Variants in ZAN observed in about 807,000 individuals in gnomAD.
The protein encoded by ZAN is zonadhesin, also known as zonadhesin (gene/pseudogene).
Under a neutral mutation model 286.2 loss-of-function variants are expected in ZAN, and 260 were observed. The ratio of observed to expected loss-of-function variants is 0.91; its 90% CI spans 0.82 to 1.01. The LOEUF (loss-of-function observed/expected upper bound fraction) is 1.01. Among genes scored for constraint, ZAN ranks in the 50% least tolerant of loss-of-function variants. The probability of loss-of-function intolerance (pLI) is 0.00; values close to 1 mark genes in which losing one functional copy is unlikely to be tolerated. For missense variants in ZAN, 3,410 were observed against 3,639.2 expected, an observed-to-expected ratio of 0.94 and a Z score of 1.62; for synonymous variants, 1,368 against 1,417.5, an observed-to-expected ratio of 0.97 and a Z score of 0.79.
chr7:100,758,238 C>T lies in ZAN; in HGVS notation c.3346C>T (p.His1116Tyr). The T allele has an allele frequency of 1.9e-6, 3 of 1,613,512 alleles. No individual in the cohort carries two copies. The highest frequency in any genetic ancestry group is 2.5e-6 in the Non-Finnish European group (3 of 1,179,874). The change falls in exon 16 of 48, where the codon CAT (histidine) becomes TAT (tyrosine). Residue 1116 changes from histidine to tyrosine, a missense_variant. Transcript: ENST00000613979. ...AEWFSPNCTE[H>Y]CRCWPGSRVE... ...GTGGTTCAGCCCCAACTGCACAGAA[C>T]ATTGCCGCTGCTGGCCCGGCAGTCG...
chr7:100,767,012 G>A lies in ZAN; in HGVS notation c.4615G>A (p.Ala1539Thr). ...GAACTCCATCTTCTTCTCCACAGGTGCCGCCACCTGCACAGCCTCGGGTGA... is the reference window on the plus strand; with the variant it reads ...GAACTCCATCTTCTTCTCCACAGGTACCGCCACCTGCACAGCCTCGGGTGA... ...DGIYGCHAQG[A>T]ATCTASGDPH... Residue 1539 changes from alanine to threonine, a missense_variant and splice_region_variant, in exon 25 of 48, where the codon GCC (alanine) becomes ACC (threonine). By Grantham distance (58) the Ala-to-Thr change is moderately conservative. Coordinates refer to ENST00000613979, the MANE Select transcript of ZAN (RefSeq NM_003386.3). The A allele has an allele frequency of 6.2e-7, 1 of 1,613,712 alleles. No homozygotes were observed. Among genetic ancestry groups the A allele is most frequent in the South Asian group, 1.1e-5 (1 of 91,050 alleles).
Position 100,773,484 on chromosome 7 carries a change from C to T in ZAN, c.5625C>T (p.Ser1875=). 6.2e-7 allele frequency: 1 copy of T among 1,613,562 alleles called. No homozygotes were observed. The highest frequency in any genetic ancestry group is 1.7e-4 in the Middle Eastern group (1 of 5,910). ...GTGGCTGCACTGACCCAGCGGGCTCCTACCACCCGGTGAGAGGCCAGCTAG... is the reference window on the plus strand; with the variant it reads ...GTGGCTGCACTGACCCAGCGGGCTCTTACCACCCGGTGAGAGGCCAGCTAG... ...GQCGCTDPAG[S]YHPVGERWYT... The change falls in exon 30 of 48, where the codon TCC becomes TCT. Residue 1875 remains serine, a synonymous_variant. Coordinates refer to ENST00000613979, the MANE Select transcript of ZAN (RefSeq NM_003386.3).
Position 100,750,621 on chromosome 7 carries a change from C to T in ZAN, c.1250-4C>T. 1 of 1,612,808 alleles carries T rather than the reference C, an allele frequency of 6.2e-7. No individual in the cohort carries two copies. The highest frequency in any genetic ancestry group is 1.3e-5 in the African/African-American group (1 of 75,046). On this transcript the variant is annotated splice_region_variant and splice_polypyrimidine_tract_variant and intron_variant, in intron 11 of 47. Transcript: ENST00000613979. ...TACCTTGCCTGTTCCCTTCCTTTGCCTAGGGGGTCACTATATCTACCTTGA... is the reference window on the plus strand; with the variant it reads ...TACCTTGCCTGTTCCCTTCCTTTGCTTAGGGGGTCACTATATCTACCTTGA...
At chr7:100,797,245 C>T (rs954852734) in intron 45 of ZAN, 121 bp from the exon 46 acceptor site, 4 of 894,130 alleles carry the variant, frequency 4.5e-6, no homozygotes, top group Non-Finnish European at 5.3e-6. Flanking sequence ...GCAGACACAC[C>T]TAGAGATTTA....
rs752589929 is a variant in ZAN at position 100,779,635 on chromosome 7, C to T, written c.6507C>T (p.Thr2169=). Reference sequence around the variant, plus strand: ...CCTTCCTGGTGGACTGTGCAAACACCCTCTGTGAGTTCGGAGGTCTCTACC... The same window carrying T: ...CCTTCCTGGTGGACTGTGCAAACACTCTCTGTGAGTTCGGAGGTCTCTACC... ...LTPFLVDCAN[T]LCEFGGLYQA... Residue 2169 remains threonine, a synonymous_variant, in exon 35 of 48, where the codon ACC becomes ACT. Coordinates refer to ENST00000613979, the MANE Select transcript of ZAN (RefSeq NM_003386.3). The T allele has an allele frequency of 9.4e-6, 15 of 1,596,456 alleles. No homozygotes were observed. The Admixed American group carries it at 2.5e-4, about 26-fold the overall frequency.
intron 37 of ZAN, among the ~76,000 whole-genome samples, chr7:100,786,823 G>A (rs1010479356): frequency 6.6e-6 from 1 of 152,118 alleles, no homozygotes; most frequent in Non-Finnish European, 1.5e-5. Context: ...AGGCAGAGGT[G>A]GAAGAATCAC....
chr7:100,736,586 TC>T lies in ZAN; in HGVS notation c.213del (p.Thr72ProfsTer105), dbSNP rs772491665. On this transcript the variant is annotated frameshift_variant, in exon 4 of 48. Coordinates refer to ENST00000613979, the MANE Select transcript of ZAN (RefSeq NM_003386.3). LOFTEE classifies it high-confidence loss of function. Reference protein sequence around the residue: ...EDWVRASGPSPTGSTGAPGGY... With the variant: ...EDWVRASGPSXTGSTGAPGGY... ...ACTGGGTTCGAGCCAGTGGGCCCTC[TC>T]CCACCGGCTCCACCGGGGCCCCCGG... The T allele has an allele frequency of 7.2e-6, 11 of 1,522,474 alleles. 4 individuals carry two copies. In the African/African-American group the frequency reaches 1.5e-4, roughly 21 times the overall value. The allele number at this position is 1,522,474 out of a possible 1,614,324, so 94.3% of individuals were successfully genotyped here.
In ZAN at chr7:100,763,123, C is replaced by T. The variant is rs1157847173; in HGVS notation, c.3987-683C>T. Among the ~76,000 whole-genome samples, 1 of 151,906 alleles carries T rather than the reference C, an allele frequency of 6.6e-6. No homozygotes were observed. Among genetic ancestry groups the T allele is most frequent in the Non-Finnish European group, 1.5e-5 (1 of 67,994 alleles). The stretch of plus-strand genomic sequence containing the variant: ...GAGATTATAGGCACATGCCACCACA[C>T]CTGTCTGATTTTTGTATTTTTAGTA... On this transcript the variant is annotated intron_variant, in intron 20 of 47. Coordinates refer to ENST00000613979, the MANE Select transcript of ZAN (RefSeq NM_003386.3). This position sits in a 1 kb window ranked among gnomAD's most constrained non-coding sequence, Gnocchi z 4.6.
At chr7:100,745,712 C>G (rs1345406066) in intron 7 of ZAN, among the ~76,000 whole-genome samples, 1 of 149,600 alleles carries the variant, frequency 6.7e-6, no homozygotes, top group Non-Finnish European at 1.5e-5. Context: ...ATCGTGAGAC[C>G]GCCCATCTCT....
At chr7:100,794,368 T>A in intron 44 of ZAN, 110 bp downstream of exon 44, 1 of 1,480,572 alleles carries the variant, frequency 6.8e-7, no homozygotes, top group Non-Finnish European at 9.0e-7. Context: ...GATTTCAGGA[T>A]GTCTGTCCCT....
intron 38 of ZAN, among the ~76,000 whole-genome samples, chr7:100,788,412 T>C (rs1228004621): frequency 6.6e-6 from 1 of 151,842 alleles, no homozygotes; most frequent in Non-Finnish European, 1.5e-5. Flanking sequence ...ATGAGCTGGA[T>C]ATGGGGGCGC....
intron 42 of ZAN, among the ~76,000 whole-genome samples, chr7:100,793,441 TTTG>T (rs754417614): frequency 6.6e-6 from 1 of 152,050 alleles, no homozygotes; most frequent in Admixed American, 6.6e-5. Flanking sequence ...TGTTTTTGTT[TTTG>T]TTGTTGTTGT....
rs753598349 is a variant in ZAN, at chr7:100,783,246, C to T, written c.6623-1377C>T. 2.0e-4 allele frequency among the ~76,000 whole-genome samples: 30 copies of T among 151,708 alleles called. No individual in the cohort carries two copies. The South Asian group carries it at 2.9e-3, about 15-fold the overall frequency. The stretch of plus-strand genomic sequence containing the variant: ...TTGTGCCATTGCACTCCAGCCAGGG[C>T]GGAAAGAGCGAAACTCTATCTCAAA... On this transcript the variant is annotated intron_variant, in intron 35 of 47. Transcript: ENST00000613979.
intron 8 of ZAN, 123 bp downstream of exon 8, chr7:100,746,825 C>CCACTT: frequency 1.7e-6 from 2 of 1,197,498 alleles, no homozygotes; most frequent in Non-Finnish European, 2.3e-6. Flanking sequence ...CGAGACTATT[C>CCACTT]CATGAAGTGG....
At chr7:100,749,210 C>G (rs1178195141) in intron 11 of ZAN, among the ~76,000 whole-genome samples, 1 of 151,872 alleles carries the variant, frequency 6.6e-6, no homozygotes, top group African/African-American at 2.4e-5. Flanking sequence ...GGAGTGGTGG[C>G]GTGCACCTGT....
At chr7:100,742,971 G>A (rs1185388838) in intron 7 of ZAN, among the ~76,000 whole-genome samples, 1 of 125,018 alleles carries the variant, frequency 8.0e-6, no homozygotes, top group Admixed American at 8.0e-5. Context: ...AAGGGTCGAT[G>A]CAGAGAGGCT....
intron 26 of ZAN, among the ~76,000 whole-genome samples, chr7:100,768,351 A>G (rs1263770642): frequency 6.6e-6 from 1 of 152,188 alleles, no homozygotes; most frequent in Non-Finnish European, 1.5e-5. Context: ...GCATGCCTTT[A>G]ATCCCAGCTA....
rs1444370523 is a variant in ZAN at position 100,775,830 on chromosome 7, A to G, written c.6189A>G (p.Gly2063=). The G allele has an allele frequency of 2.5e-6, 4 of 1,613,458 alleles. No individual in the cohort carries two copies. In the South Asian group the frequency reaches 3.3e-5, roughly 13 times the overall value. ...LEIEIPTTYY[G]KVCGMCGNFN... Reference sequence around the variant, plus strand: ...TTGAAATCCCCACAACCTACTATGGAAAGGTGAGGAAAACATCTGGCTCTT... The same window carrying G: ...TTGAAATCCCCACAACCTACTATGGGAAGGTGAGGAAAACATCTGGCTCTT... Residue 2063 remains glycine, a synonymous_variant, in exon 33 of 48, where the codon GGA becomes GGG. Transcript: ENST00000613979.
At position 100,755,498 on chromosome 7, in the gene ZAN, C is replaced by T; in HGVS notation, c.3309+88C>T. 10 of 1,476,078 alleles carry T rather than the reference C, an allele frequency of 6.8e-6. No individual in the cohort carries two copies. The South Asian group carries it at 1.0e-4, about 15-fold the overall frequency. The allele number at this position is 1,476,078 out of a possible 1,614,324, so 91.4% of individuals were successfully genotyped here. ...GCTCCATCTGCTCCCCATGTGAAGG[C>T]AACAGGGATCACCGGATAGTCCCAA... On this transcript the variant is annotated intron_variant, in intron 15 of 47. Coordinates refer to ENST00000613979, the MANE Select transcript of ZAN (RefSeq NM_003386.3).
Sources: allele counts gnomAD v4.1 joint callset (sites outside exome capture counted in the v4.1 genomes callset), GRCh38; gene constraint gnomAD v4.1.1; non-coding constraint Gnocchi (gnomAD v3.1); transcripts MANE v1.5; gene names NCBI Gene and HGNC (gene_info 2026-07-23, HGNC 2026-07-21).